Variants in SGPP1 observed in about 807,000 individuals in gnomAD.
SGPP1 encodes the protein hSPP1.
In SGPP1, 21 loss-of-function variants were observed where a neutral mutation model predicts 33.0. The ratio of observed to expected loss-of-function variants is 0.64; its 90% confidence interval spans 0.45 to 0.92. SGPP1 has a LOEUF of 0.92. Among genes scored for constraint, SGPP1 ranks in the 40% least tolerant of loss-of-function variants. SGPP1 has a pLI of 0.00. For missense variants in SGPP1, 543 were observed against 589.4 expected, an observed-to-expected ratio of 0.92 and a Z score of 0.81; for synonymous variants, 239 against 241.2, an observed-to-expected ratio of 0.99 and a Z score of 0.08.
At chr14:63,690,860 G>A (rs967664258) in intron 2 of SGPP1, among the ~76,000 whole-genome samples, 17 of 152,098 alleles carry the variant, frequency 1.1e-4, no homozygotes, top group Non-Finnish European at 1.9e-4. Context: ...ACAGGTGTGC[G>A]CCACCAACCA....
intron 1 of SGPP1, among the ~76,000 whole-genome samples, chr14:63,713,937 A>G (rs994505121): frequency 1.3e-5 from 2 of 152,206 alleles, no homozygotes; most frequent in Non-Finnish European, 2.9e-5. Context: ...TCTGCCCTCA[A>G]TGTTGGCATG....
intron 1 of SGPP1, among the ~76,000 whole-genome samples, chr14:63,715,126 G>A (rs1055344515): frequency 2.7e-5 from 4 of 148,322 alleles, no homozygotes; most frequent in Admixed American, 6.9e-5. Flanking sequence ...GTGATTCTCC[G>A]CCTCAGCCTA....
chr14:63,701,655 A>AG, intron 1 of SGPP1, among the ~76,000 whole-genome samples: 1 of 152,134 alleles, frequency 6.6e-6, no homozygotes. Flanking sequence ...ATGGGGGGCC[A>AG]GATCAAGTAG....
At chr14:63,697,429 A>G (rs1201749315) in intron 2 of SGPP1, among the ~76,000 whole-genome samples, 1 of 152,252 alleles carries the variant, frequency 6.6e-6, no homozygotes, top group Non-Finnish European at 1.5e-5. Flanking sequence ...ATGACCCATT[A>G]GAAACTAGAA....
intron 1 of SGPP1, among the ~76,000 whole-genome samples, chr14:63,716,865 G>C (rs1273612408): frequency 6.6e-6 from 1 of 151,854 alleles, no homozygotes; most frequent in Non-Finnish European, 1.5e-5. Context: ...GCTAATTTTT[G>C]TATTTTTAGT....
In SGPP1 at chr14:63,697,109, G is replaced by A. The variant is rs74965460; in HGVS notation, c.774+1460C>T. On this transcript the variant is annotated intron_variant, in intron 2 of 2. Transcript: ENST00000247225. ...CATCTGGGTCACAGGATCAATAGAC[G>A]TCCAAATCTTGGCATCACACAATAT... Among the ~76,000 whole-genome samples, 1,240 of 152,180 alleles carry A rather than the reference G, an allele frequency of 8.1e-3. 13 individuals are homozygous for A. The highest frequency in any genetic ancestry group is 0.027 in the African/African-American group (1,122 of 41,510).
At chr14:63,687,977 T>C (rs897454862) in intron 2 of SGPP1, among the ~76,000 whole-genome samples, 4 of 151,926 alleles carry the variant, frequency 2.6e-5, no homozygotes, top group African/African-American at 7.3e-5. Context: ...AAAAGAAAAT[T>C]AGCTGTGTGT....
chr14:63,721,395 G>A (rs887846953), intron 1 of SGPP1, among the ~76,000 whole-genome samples: 1 of 151,490 alleles, frequency 6.6e-6, no homozygotes, highest in African/African-American at 2.4e-5. Context: ...AGTGAGCCAC[G>A]ATCATGCCAC....
At chr14:63,717,668 G>A (rs1029584434) in intron 1 of SGPP1, among the ~76,000 whole-genome samples, 9 of 151,922 alleles carry the variant, frequency 5.9e-5, no homozygotes, top group African/African-American at 2.2e-4. Flanking sequence ...GGAAGGGAGA[G>A]GAAAAAAATT....
intron 1 of SGPP1, among the ~76,000 whole-genome samples, chr14:63,719,829 AG>A (rs1383243330): frequency 1.3e-5 from 2 of 151,468 alleles, no homozygotes; most frequent in African/African-American, 4.8e-5. Flanking sequence ...AAAAAAAAAA[AG>A]AAGGCCAGGC....
intron 1 of SGPP1, among the ~76,000 whole-genome samples, chr14:63,725,772 T>C (rs1347145173): frequency 2.0e-5 from 3 of 152,184 alleles, no homozygotes; most frequent in Non-Finnish European, 1.5e-5. Flanking sequence ...TGACTGCTAA[T>C]ACTAATAGCA....
intron 2 of SGPP1, 26 bp from the exon 3 acceptor site, chr14:63,686,682 TTTAGTATAA>T: frequency 1.3e-6 from 2 of 1,482,958 alleles, no homozygotes; most frequent in Non-Finnish European, 1.8e-6. Context: ...AGTATCGTTG[TTTAGTATAA>T]TACTGAATAT....
chr14:63,725,746 C>T (rs944207673), intron 1 of SGPP1, among the ~76,000 whole-genome samples: 3 of 152,108 alleles, frequency 2.0e-5, no homozygotes, highest in Admixed American at 2.0e-4. Flanking sequence ...GCAAAAATAG[C>T]TATTTTCTCT....
intron 2 of SGPP1, among the ~76,000 whole-genome samples, chr14:63,696,037 C>A (rs1885180192): frequency 2.0e-5 from 3 of 152,172 alleles, no homozygotes. Flanking sequence ...CCTGTAATCC[C>A]AGGACTTTGG....
At position 63,692,781 on chromosome 14, in the gene SGPP1, T is replaced by C. The variant is rs531534694; in HGVS notation, c.774+5788A>G. Among the ~76,000 whole-genome samples the C allele has an allele frequency of 1.3e-4, 20 of 152,258 alleles. No homozygotes were observed. In the South Asian group the frequency reaches 4.2e-3, roughly 32 times the overall value. On this transcript the variant is annotated intron_variant, in intron 2 of 2. Transcript: ENST00000247225. The stretch of plus-strand genomic sequence containing the variant: ...CACTTTTTTTTTGAACAGGATGTCT[T>C]CCGAGAAAACTCACTGATACATACT...
At chr14:63,714,206 C>T (rs965967376) in intron 1 of SGPP1, among the ~76,000 whole-genome samples, 10 of 152,190 alleles carry the variant, frequency 6.6e-5, no homozygotes, top group Non-Finnish European at 1.3e-4. Flanking sequence ...TGATGTACAT[C>T]TGCATTTGTG....
intron 1 of SGPP1, among the ~76,000 whole-genome samples, chr14:63,702,129 T>C (rs994730106): frequency 6.6e-6 from 1 of 151,820 alleles, no homozygotes; most frequent in Non-Finnish European, 1.5e-5. Flanking sequence ...CGGGGAAGGG[T>C]AGAGATTTTA....
intron 2 of SGPP1, among the ~76,000 whole-genome samples, chr14:63,688,042 T>C (rs1166251433): frequency 1.3e-5 from 2 of 152,018 alleles, no homozygotes; most frequent in Non-Finnish European, 2.9e-5. Flanking sequence ...GGAGAATCGC[T>C]TGAACCCGGG....
chr14:63,688,715 T>C (rs1284696779), intron 2 of SGPP1, among the ~76,000 whole-genome samples: 3 of 141,886 alleles, frequency 2.1e-5, no homozygotes, highest in Non-Finnish European at 4.5e-5. Context: ...CCGTCATTTC[T>C]TTTTTTTTTC....
Sources: allele counts gnomAD v4.1 joint callset (sites outside exome capture counted in the v4.1 genomes callset), GRCh38; gene constraint gnomAD v4.1.1; transcripts MANE v1.5; gene names NCBI Gene and HGNC (gene_info 2026-07-23, HGNC 2026-07-21).